PCDH15: variants seen among roughly 807,000 people sequenced by gnomAD.
PCDH15 encodes protocadherin-15.
In PCDH15, 129 loss-of-function variants were observed where a neutral mutation model predicts 178.5. The observed-to-expected ratio is 0.72, with a 90% CI of 0.63 to 0.84. The LOEUF (loss-of-function observed/expected upper bound fraction) is 0.84, where lower values mean the gene tolerates loss of function less well. PCDH15 is among the 40% of genes least tolerant of loss of function. The pLI is 0.00. For synonymous variants in PCDH15, 800 were observed against 732.0 expected (o/e 1.09, Z -1.50); for missense variants, 2,230 against 2,099.9 (o/e 1.06, Z -1.21).
chr10:55,402,624 C>G (rs1339317524), intron 2 of PCDH15, among the ~76,000 whole-genome samples: 1 of 151,918 alleles, frequency 6.6e-6, no homozygotes, highest in Non-Finnish European at 1.5e-5. Context: ...ATCTCCACTT[C>G]CATTGATGTT....
At chr10:55,445,664 A>T (rs1379990029) in intron 2 of PCDH15, among the ~76,000 whole-genome samples, 1 of 152,162 alleles carries the variant, frequency 6.6e-6, no homozygotes, top group Non-Finnish European at 1.5e-5. Flanking sequence ...TACACAATTT[A>T]TCTCACTTCC....
At chr10:54,493,267 G>T (rs986880628) in intron 3 of PCDH15, among the ~76,000 whole-genome samples, 1 of 151,956 alleles carries the variant, frequency 6.6e-6, no homozygotes, top group Non-Finnish European at 1.5e-5. Flanking sequence ...GGGATATATT[G>T]TCTGTGGATA....
chr10:54,515,114 C>T (rs1276891524), intron 3 of PCDH15, among the ~76,000 whole-genome samples: 1 of 152,138 alleles, frequency 6.6e-6, no homozygotes, highest in East Asian at 1.9e-4. Context: ...CTAGGGAGTG[C>T]CAGACAGTGG....
intron 1 of PCDH15, among the ~76,000 whole-genome samples, chr10:55,176,767 G>A (rs74136383): frequency 0.012 from 1,860 of 152,058 alleles, 37 homozygotes; most frequent in African/African-American, 0.043. Flanking sequence ...CACAGTCCTG[G>A]ACCTAAAGGA....
chr10:55,439,325 C>G (rs1377258013), intron 2 of PCDH15, among the ~76,000 whole-genome samples: 1 of 152,074 alleles, frequency 6.6e-6, no homozygotes, highest in Non-Finnish European at 1.5e-5. Context: ...TTTCACTGGA[C>G]AAGTATATAT....
intron 2 of PCDH15, among the ~76,000 whole-genome samples, chr10:55,583,066 T>G (rs1842655713): frequency 6.6e-6 from 1 of 152,170 alleles, no homozygotes; most frequent in Non-Finnish European, 1.5e-5. Flanking sequence ...ATTTACATTT[T>G]TCCTACCATC....
At chr10:54,055,060 G>T (rs1375098776) in intron 18 of PCDH15, among the ~76,000 whole-genome samples, 1 of 152,086 alleles carries the variant, frequency 6.6e-6, no homozygotes, top group African/African-American at 2.4e-5. Flanking sequence ...GGCCACTGAG[G>T]TTCAGATTTA....
intron 9 of PCDH15, among the ~76,000 whole-genome samples, chr10:54,229,680 G>A (rs1157806909): frequency 6.6e-6 from 1 of 152,138 alleles, no homozygotes; most frequent in South Asian, 2.1e-4. Context: ...TTTGCCATGT[G>A]AGACATGCCG....
Position 54,295,402 on chromosome 10 carries a change from C to T in PCDH15, c.876+21869G>A, listed in dbSNP as rs376167396. Among the ~76,000 whole-genome samples, 9 of 152,300 alleles carry T rather than the reference C, an allele frequency of 5.9e-5. No homozygotes were observed. In the East Asian group the frequency reaches 1.2e-3, roughly 20 times the overall value. ...AAAAGCTGGCCACCAGAGCCAGCAGCGTCAACCTGCTCGGATCCCCTTCCA... is the reference window on the plus strand; with the variant it reads ...AAAAGCTGGCCACCAGAGCCAGCAGTGTCAACCTGCTCGGATCCCCTTCCA... On this transcript the variant is annotated intron_variant, in intron 8 of 37. Transcript: ENST00000644397.
At chr10:55,553,241 G>C (rs1842032933) in intron 2 of PCDH15, among the ~76,000 whole-genome samples, 1 of 150,444 alleles carries the variant, frequency 6.6e-6, no homozygotes, top group Admixed American at 6.6e-5. Context: ...CCAAATTCAT[G>C]TTATTTTGTG....
chr10:54,114,786 T>C (rs1173078897), intron 15 of PCDH15, among the ~76,000 whole-genome samples: 2 of 152,016 alleles, frequency 1.3e-5, no homozygotes, highest in Non-Finnish European at 1.5e-5. Context: ...GTAGTGGAAA[T>C]AGCAAGTGAA....
chr10:53,894,588 A>G (rs1379029895), intron 26 of PCDH15, among the ~76,000 whole-genome samples: 4 of 152,170 alleles, frequency 2.6e-5, no homozygotes, highest in African/African-American at 9.7e-5. Context: ...AAAATAACTC[A>G]CTAGCTTTCA....
chr10:54,789,903 T>C (rs1350135997), intron 1 of PCDH15, among the ~76,000 whole-genome samples: 1 of 151,922 alleles, frequency 6.6e-6, no homozygotes, highest in Non-Finnish European at 1.5e-5. Flanking sequence ...AATACAAAAA[T>C]ATCACATTGA....
intron 18 of PCDH15, among the ~76,000 whole-genome samples, chr10:54,029,874 T>C (rs1337991984): frequency 6.6e-6 from 1 of 152,124 alleles, no homozygotes; most frequent in African/African-American, 2.4e-5. Context: ...ACCAGTCCTG[T>C]AGAGAAGACC....
chr10:55,515,045 A>C (rs1840980209), intron 2 of PCDH15, among the ~76,000 whole-genome samples: 2 of 141,536 alleles, frequency 1.4e-5, no homozygotes, highest in Non-Finnish European at 3.0e-5. Flanking sequence ...GCTGGAGTGC[A>C]GTGGTGCGAT....
chr10:53,926,927 TC>T (rs75732052), intron 25 of PCDH15, among the ~76,000 whole-genome samples: 2,313 of 152,270 alleles, frequency 0.015, 80 homozygotes, highest in East Asian at 0.13. Context: ...TGGATACGTA[TC>T]CCCTTACAGC....
rs191682458 is a variant in PCDH15, at chr10:54,284,117, G to A, written c.876+33154C>T. On this transcript the variant is annotated intron_variant, in intron 8 of 37. Coordinates refer to ENST00000644397, the MANE Select transcript of PCDH15 (RefSeq NM_001384140.1). ...CCCTAAGTGCTGGAATTACAGTCAT[G>A]AGCCATGGTGCCCGGCCTAATAAAT... 3.2e-3 allele frequency among the ~76,000 whole-genome samples: 480 copies of A among 152,234 alleles called. 5 individuals carry two copies. The highest frequency in any genetic ancestry group is 8.9e-3 in the African/African-American group (371 of 41,548).
chr10:55,093,282 A>T (rs1042066636), intron 2 of PCDH15, among the ~76,000 whole-genome samples: 1 of 152,088 alleles, frequency 6.6e-6, no homozygotes, highest in Non-Finnish European at 1.5e-5. Context: ...AATGTGTCAC[A>T]AATTGTAATT....
intron 2 of PCDH15, among the ~76,000 whole-genome samples, chr10:55,403,382 T>C (rs1838119908): frequency 6.6e-6 from 1 of 151,828 alleles, no homozygotes; most frequent in Non-Finnish European, 1.5e-5. Flanking sequence ...TTTAATATAG[T>C]ACCATTTGCC....
Sources: gnomAD v4.1 joint callset for allele counts (sites outside exome capture counted in the v4.1 genomes callset) on GRCh38, gnomAD v4.1.1 for gene constraint, MANE v1.5 for transcripts, NCBI Gene and HGNC (gene_info 2026-07-23, HGNC 2026-07-21) for gene names.